The following RFX3 variants were observed in gnomAD, a reference collection of about 807,000 sequenced individuals.
RFX3 encodes the protein regulatory factor X3, also known as transcription factor RFX3.
RFX3 carries 14 observed loss-of-function variants against 98.6 expected under a neutral mutation model. The ratio of observed to expected loss-of-function variants is 0.14; its 90% CI spans 0.09 to 0.22. The LOEUF is 0.22. Ranked by LOEUF, RFX3 falls within the 10% of genes least tolerant of loss-of-function variation. The probability of loss-of-function intolerance (pLI) is 1.00; values close to 1 mark genes in which losing one functional copy is unlikely to be tolerated. For synonymous variants in RFX3, 383 were observed against 328.4 expected (o/e 1.17, Z -1.80); for missense variants, 639 against 926.9 (o/e 0.69, Z 4.03).
At chr9:3,354,247 A>C (rs1835481609) in intron 2 of RFX3, among the ~76,000 whole-genome samples, 1 of 151,854 alleles carries the variant, frequency 6.6e-6, no homozygotes, top group Admixed American at 6.6e-5. Context: ...TTCTTTTTCC[A>C]AATTTGATTG....
chr9:3,285,248 A>G (rs1246686840), intron 7 of RFX3, among the ~76,000 whole-genome samples: 2 of 151,814 alleles, frequency 1.3e-5, no homozygotes, highest in South Asian at 2.1e-4. Context: ...ATATTTTGAA[A>G]TATCTTCTAT....
Position 3,525,807 on chromosome 9 carries a change from A to C in RFX3, c.-69T>G. 1 of 686,700 alleles carries C rather than the reference A, an allele frequency of 1.5e-6. No homozygotes were observed. Among genetic ancestry groups the C allele is most frequent in the Non-Finnish European group, 1.8e-6 (1 of 560,054 alleles). The allele number at this position is 686,700 out of a possible 1,614,324, so 42.5% of individuals were successfully genotyped here. ...GATGGAGATGGTGGTGGTGGGGAGGAGGAGGAGGAAGAGGAGGAGGAGGAG... is the reference window on the plus strand; with the variant it reads ...GATGGAGATGGTGGTGGTGGGGAGGCGGAGGAGGAAGAGGAGGAGGAGGAG... On this transcript the variant is annotated 5_prime_UTR_variant, in exon 1 of 17. Transcript: ENST00000617270.
At chr9:3,254,294 C>G (rs998707146) in intron 14 of RFX3, among the ~76,000 whole-genome samples, 6 of 149,656 alleles carry the variant, frequency 4.0e-5, no homozygotes, top group African/African-American at 1.5e-4. Flanking sequence ...AAACCAACCA[C>G]AGGTAGACGT....
intron 7 of RFX3, among the ~76,000 whole-genome samples, chr9:3,279,046 G>T (rs987711504): frequency 1.3e-5 from 2 of 151,780 alleles, no homozygotes; most frequent in African/African-American, 4.8e-5. Flanking sequence ...TGTGCTAGAT[G>T]CCTTGTTTAT....
chr9:3,316,553 G>C (rs1401718171), intron 4 of RFX3, among the ~76,000 whole-genome samples: 1 of 152,172 alleles, frequency 6.6e-6, no homozygotes, highest in Non-Finnish European at 1.5e-5. Flanking sequence ...AAGAAATAAA[G>C]AGTATTCAAT....
chr9:3,469,235 A>T, intron 1 of RFX3: 1 of 453,614 alleles, frequency 2.2e-6, no homozygotes, highest in South Asian at 1.6e-5. Flanking sequence ...TTTGTGTTCA[A>T]TGTAGGAACA....
chr9:3,449,940 T>G (rs1433534588), intron 1 of RFX3, among the ~76,000 whole-genome samples: 1 of 150,736 alleles, frequency 6.6e-6, no homozygotes, highest in Non-Finnish European at 1.5e-5. Flanking sequence ...GGACAAATAG[T>G]GATCATCGTA....
intron 1 of RFX3, among the ~76,000 whole-genome samples, chr9:3,397,292 C>T (rs2081941822): frequency 6.6e-6 from 1 of 152,128 alleles, no homozygotes; most frequent in African/African-American, 2.4e-5. Context: ...AGTTTTCTTT[C>T]CTGGAGGAAT....
chr9:3,365,214 C>T (rs925456777), intron 2 of RFX3, among the ~76,000 whole-genome samples: 4 of 150,512 alleles, frequency 2.7e-5, no homozygotes, highest in Non-Finnish European at 4.4e-5. Context: ...GCAGGGGAAT[C>T]GCTTGAACCC....
chr9:3,433,046 A>G (rs995830614), intron 1 of RFX3, among the ~76,000 whole-genome samples: 4 of 152,166 alleles, frequency 2.6e-5, no homozygotes, highest in African/African-American at 9.7e-5. Flanking sequence ...TGAATACTCA[A>G]GTCCTGAAGT....
chr9:3,301,754 T>G (rs998227707), intron 4 of RFX3, 134 bp from the exon 5 acceptor site: 51 of 550,996 alleles, frequency 9.3e-5, no homozygotes, highest in African/African-American at 8.9e-4. Context: ...CCACTTAATG[T>G]GTTTTCTCCC....
At chr9:3,470,745 T>C (rs1162352874) in intron 1 of RFX3, among the ~76,000 whole-genome samples, 6 of 152,198 alleles carry the variant, frequency 3.9e-5, no homozygotes, top group South Asian at 2.1e-4. Flanking sequence ...TCCTTTACAA[T>C]TGATGATGCT....
At chr9:3,457,139 C>CAAAAAAAAAAAAAA (rs1169959832) in intron 1 of RFX3, among the ~76,000 whole-genome samples, 1 of 22,814 alleles carries the variant, frequency 4.4e-5, no homozygotes, top group East Asian at 1.1e-3. Flanking sequence ...GACTCCATCT[C>CAAAAAAAAAAAAAA]AAAAAAAAAA....
intron 6 of RFX3, among the ~76,000 whole-genome samples, 187 bp from the exon 7 acceptor site, chr9:3,288,437 A>C (rs1297371943): frequency 6.6e-6 from 1 of 152,112 alleles, no homozygotes. Context: ...AAGAATCAAA[A>C]TAAGATTCCA....
chr9:3,265,526 T>C (rs760299403), intron 12 of RFX3, among the ~76,000 whole-genome samples: 29 of 152,186 alleles, frequency 1.9e-4, no homozygotes, highest in Non-Finnish European at 3.7e-4. Flanking sequence ...AAATGTGATT[T>C]CTGTTACCAA....
At chr9:3,278,194 G>A (rs899301948) in intron 7 of RFX3, among the ~76,000 whole-genome samples, 1 of 151,756 alleles carries the variant, frequency 6.6e-6, no homozygotes, top group South Asian at 2.1e-4. Context: ...GGGGAAGAAG[G>A]AAGATGTCTT....
intron 1 of RFX3, among the ~76,000 whole-genome samples, chr9:3,416,841 A>G (rs1401876048): frequency 6.6e-6 from 1 of 152,136 alleles, no homozygotes; most frequent in Non-Finnish European, 1.5e-5. Context: ...GAATAGACAG[A>G]AGAAACAAAA....
chr9:3,521,692 G>A (rs547435324), intron 1 of RFX3, among the ~76,000 whole-genome samples: 1 of 152,058 alleles, frequency 6.6e-6, no homozygotes, highest in Non-Finnish European at 1.5e-5. Context: ...CTTTATAGCA[G>A]TAAATGAAGT....
chr9:3,313,200 G>A (rs896341508), intron 4 of RFX3, among the ~76,000 whole-genome samples: 3 of 152,174 alleles, frequency 2.0e-5, no homozygotes, highest in Admixed American at 1.3e-4. Context: ...AACATCTGCC[G>A]TTCTGCAATA....
Sources: gnomAD v4.1 joint callset for allele counts (sites outside exome capture counted in the v4.1 genomes callset) on GRCh38, gnomAD v4.1.1 for gene constraint, MANE v1.5 for transcripts, NCBI Gene and HGNC (gene_info 2026-07-23, HGNC 2026-07-21) for gene names.